The following SBF2 variants were observed in gnomAD, a reference collection of about 807,000 sequenced individuals.
SBF2 encodes myotubularin-related protein 13.
In SBF2, 112 loss-of-function variants were observed where a neutral mutation model predicts 225.2. The observed-to-expected ratio is 0.50, with a 90% confidence interval of 0.43 to 0.58. The LOEUF (loss-of-function observed/expected upper bound fraction) is 0.58, where lower values mean the gene tolerates loss of function less well. SBF2 is among the 20% of genes least tolerant of loss of function. The pLI is 0.00. For missense variants in SBF2, 1,996 were observed against 2,206.2 expected (o/e 0.90, Z 1.91); for synonymous variants, 763 against 773.3 (o/e 0.99, Z 0.22).
chr11:9,968,274 CTT>C, intron 14 of SBF2, 65 bp downstream of exon 14: 1 of 1,421,874 alleles, frequency 7.0e-7, no homozygotes, highest in South Asian at 1.1e-5. Context: ...AAATTGCACA[CTT>C]TTCCTTTTTG....
At chr11:9,943,776 G>A (rs1325574207) in intron 16 of SBF2, among the ~76,000 whole-genome samples, 1 of 152,142 alleles carries the variant, frequency 6.6e-6, no homozygotes, top group African/African-American at 2.4e-5. Context: ...CTCATATATT[G>A]CTGTCAGAGT....
At chr11:9,970,062 C>G (rs1381866830) in intron 13 of SBF2, among the ~76,000 whole-genome samples, 1 of 152,166 alleles carries the variant, frequency 6.6e-6, no homozygotes, top group South Asian at 2.1e-4. Context: ...GGAATCCATT[C>G]TTTCATAAAG....
intron 2 of SBF2, among the ~76,000 whole-genome samples, chr11:10,141,437 A>T (rs1954640085): frequency 1.3e-5 from 2 of 152,136 alleles, no homozygotes; most frequent in South Asian, 4.1e-4. Context: ...CTCTCTCTGG[A>T]AGAGACTGTA....
At chr11:9,900,648 T>C (rs1861648654) in intron 16 of SBF2, among the ~76,000 whole-genome samples, 1 of 152,176 alleles carries the variant, frequency 6.6e-6, no homozygotes, top group African/African-American at 2.4e-5. Flanking sequence ...AGAAGTAACT[T>C]GCCTTGCTGA....
At chr11:9,905,013 G>C (rs1862015227) in intron 16 of SBF2, among the ~76,000 whole-genome samples, 1 of 152,186 alleles carries the variant, frequency 6.6e-6, no homozygotes, top group African/African-American at 2.4e-5. Flanking sequence ...GACAAAGCAA[G>C]ACCCTGTCTC....
intron 14 of SBF2, among the ~76,000 whole-genome samples, chr11:9,967,287 G>A (rs939441723): frequency 6.6e-6 from 1 of 151,924 alleles, no homozygotes; most frequent in Non-Finnish European, 1.5e-5. Context: ...CAGGAGAACG[G>A]TGTGAGCCCG....
intron 13 of SBF2, among the ~76,000 whole-genome samples, chr11:9,971,308 T>C (rs977270089): frequency 6.6e-6 from 1 of 152,074 alleles, no homozygotes; most frequent in African/African-American, 2.4e-5. Flanking sequence ...TAGTTATATA[T>C]ATATATTTTT....
At chr11:9,884,227 C>A (rs902725707) in intron 17 of SBF2, among the ~76,000 whole-genome samples, 6 of 152,122 alleles carry the variant, frequency 3.9e-5, no homozygotes, top group South Asian at 4.1e-4. Flanking sequence ...GAGACCTGGG[C>A]TCTTGTATTG....
At chr11:10,268,485 C>T (rs1033969481) in intron 1 of SBF2, among the ~76,000 whole-genome samples, 4 of 152,012 alleles carry the variant, frequency 2.6e-5, no homozygotes, top group African/African-American at 4.8e-5. Flanking sequence ...AATGGATCAA[C>T]GAAAAAGATG....
At chr11:10,015,604 A>G (rs1948618969) in intron 6 of SBF2, among the ~76,000 whole-genome samples, 1 of 152,140 alleles carries the variant, frequency 6.6e-6, no homozygotes, top group South Asian at 2.1e-4. Flanking sequence ...AAAGGGACTG[A>G]CCCTTGAGGT....
Position 9,933,056 on chromosome 11 carries a change from CAAAG to C in SBF2, c.1860+28897_1860+28900del, listed in dbSNP as rs201749090. Among the ~76,000 whole-genome samples the C allele has an allele frequency of 9.1e-4, 127 of 140,068 alleles. 1 individual carries two copies. In the East Asian group the frequency reaches 0.026, roughly 29 times the overall value. The allele number at this position is 140,068 out of a possible 152,430, so 91.9% of individuals were successfully genotyped here. ...TTAAACCAACAAAGATCAAAAGAGA[CAAAG>C]AAGGCCATTACATAATGGTAAACAG... On this transcript the variant is annotated intron_variant, in intron 16 of 39. Coordinates refer to ENST00000256190, the MANE Select transcript of SBF2 (RefSeq NM_030962.4).
chr11:10,217,455 T>C (rs936069017), intron 1 of SBF2, among the ~76,000 whole-genome samples: 12 of 152,222 alleles, frequency 7.9e-5, no homozygotes, highest in African/African-American at 2.9e-4. Context: ...ATAAAACAGT[T>C]ACTAATGCTA....
chr11:10,078,575 A>G (rs1951224865), intron 2 of SBF2, among the ~76,000 whole-genome samples: 1 of 152,068 alleles, frequency 6.6e-6, no homozygotes, highest in African/African-American at 2.4e-5. Context: ...TGGGAGTTGA[A>G]CAATGAGAAC....
At chr11:10,222,488 T>C (rs1958375221) in intron 1 of SBF2, among the ~76,000 whole-genome samples, 1 of 151,966 alleles carries the variant, frequency 6.6e-6, no homozygotes, top group Non-Finnish European at 1.5e-5. Flanking sequence ...GTATCTAAAA[T>C]AAAAACATTC....
chr11:9,789,156 C>G lies in SBF2; in HGVS notation c.4885G>C (p.Asp1629His), dbSNP rs530306857. 1 of 1,614,148 alleles carries G rather than the reference C, an allele frequency of 6.2e-7. No individual in the cohort carries two copies. The highest frequency in any genetic ancestry group is 1.1e-5 in the South Asian group (1 of 91,076). The change falls in exon 35 of 40, where the codon GAT (aspartate) becomes CAT (histidine). Residue 1629 changes from aspartate to histidine, a missense_variant. Physicochemically the swap from Asp to His is moderately conservative, Grantham distance 81. Transcript: ENST00000256190. ...SQRRTVWPCYDDVSCTQPDAL... is the reference protein window; with the variant it reads ...SQRRTVWPCYHDVSCTQPDAL... Reference sequence around the variant, plus strand: ...TCAGGCTGAGTACAGCTGACATCATCATAGCATGGCCACACTGTTCTCCTC... The same window carrying G: ...TCAGGCTGAGTACAGCTGACATCATGATAGCATGGCCACACTGTTCTCCTC...
At chr11:9,817,159 A>G (rs748980780) in intron 28 of SBF2, 135 bp from the exon 29 acceptor site, 10 of 880,444 alleles carry the variant, frequency 1.1e-5, no homozygotes, top group Non-Finnish European at 1.9e-5. Context: ...CGTAAGTCAT[A>G]TGGTCATTTG....
intron 1 of SBF2, among the ~76,000 whole-genome samples, chr11:10,252,838 A>C (rs1201719095): frequency 6.6e-6 from 1 of 151,862 alleles, no homozygotes; most frequent in Non-Finnish European, 1.5e-5. Context: ...AAAAAATCAA[A>C]AAAAAGAAAA....
intron 8 of SBF2, 137 bp from the exon 9 acceptor site, chr11:9,998,516 C>T (rs1052861231): frequency 9.8e-6 from 6 of 613,258 alleles, no homozygotes; most frequent in Non-Finnish European, 1.7e-5. Flanking sequence ...TAGTAGAATT[C>T]TGGGCTAACA....
At chr11:9,789,565 C>T (rs539368751) in intron 34 of SBF2, among the ~76,000 whole-genome samples, 11 of 152,280 alleles carry the variant, frequency 7.2e-5, no homozygotes, top group Admixed American at 1.3e-4. Flanking sequence ...TTCCTAATGA[C>T]GTAGAAGGTC....
Sources: gnomAD v4.1 joint callset for allele counts (sites outside exome capture counted in the v4.1 genomes callset) on GRCh38, gnomAD v4.1.1 for gene constraint, MANE v1.5 for transcripts, NCBI Gene and HGNC (gene_info 2026-07-23, HGNC 2026-07-21) for gene names.